NR2F1-AS1: variants seen among roughly 807,000 people sequenced by gnomAD.
NR2F1-AS1 encodes NR2F1 antisense RNA 1.
intron 4 of NR2F1-AS1, among the ~76,000 whole-genome samples, chr5:93,473,197 A>C (rs906455173): frequency 2.0e-5 from 3 of 151,970 alleles, no homozygotes; most frequent in Non-Finnish European, 2.9e-5. Context: ...TTACTGATGC[A>C]CCAAGAAAAA....
At chr5:93,583,300 TCTC>T (rs1446740042), upstream of NR2F1-AS1, 1 of 149,848 alleles carries the variant, frequency 6.7e-6, no homozygotes, top group Non-Finnish European at 1.5e-5. Flanking sequence ...TCTCTCTTCT[TCTC>T]TTCTCTCTCT....
chr5:93,530,317 C>T (rs1451696020), intron 4 of NR2F1-AS1, among the ~76,000 whole-genome samples: 1 of 152,052 alleles, frequency 6.6e-6, no homozygotes, highest in African/African-American at 2.4e-5. Flanking sequence ...CTCCTGACCT[C>T]GTGATCCGCC....
intron 4 of NR2F1-AS1, among the ~76,000 whole-genome samples, chr5:93,513,982 T>C (rs1442922342): frequency 6.6e-6 from 1 of 152,080 alleles, no homozygotes; most frequent in African/African-American, 2.4e-5. Flanking sequence ...CATTTTATGT[T>C]TCATTAATTC....
At chr5:93,535,576 C>T (rs572361239) in intron 4 of NR2F1-AS1, among the ~76,000 whole-genome samples, 12 of 151,968 alleles carry the variant, frequency 7.9e-5, no homozygotes, top group Middle Eastern at 3.4e-3. Flanking sequence ...AGCCCAATAT[C>T]CCTCATAAGC....
intron 4 of NR2F1-AS1, among the ~76,000 whole-genome samples, chr5:93,534,356 C>T (rs898271951): frequency 3.3e-5 from 5 of 152,078 alleles, no homozygotes; most frequent in African/African-American, 1.2e-4. Context: ...AATACCATAC[C>T]TTATATTTTT....
chr5:93,535,408 T>G (rs1215473425), intron 4 of NR2F1-AS1, among the ~76,000 whole-genome samples: 1 of 151,812 alleles, frequency 6.6e-6, no homozygotes, highest in Non-Finnish European at 1.5e-5. Flanking sequence ...CTTAGAGATT[T>G]CCTTCTACAA....
intron 4 of NR2F1-AS1, among the ~76,000 whole-genome samples, chr5:93,547,460 A>G (rs1752115660): frequency 6.6e-6 from 1 of 152,212 alleles, no homozygotes; most frequent in South Asian, 2.1e-4. Flanking sequence ...TACATTTCTC[A>G]GAATCAAAAC....
chr5:93,433,030 T>A (rs1199293643), intron 4 of NR2F1-AS1, among the ~76,000 whole-genome samples: 2 of 152,212 alleles, frequency 1.3e-5, no homozygotes, highest in African/African-American at 4.8e-5. Context: ...ATATGCATTA[T>A]TCAACTTTTA....
intron 4 of NR2F1-AS1, among the ~76,000 whole-genome samples, chr5:93,499,958 A>G (rs1751043766): frequency 6.6e-6 from 1 of 152,186 alleles, no homozygotes; most frequent in South Asian, 2.1e-4. Context: ...TATGAAGGCT[A>G]AGAGAGGTGA....
chr5:93,585,134 C>T (rs1183108440), upstream of NR2F1-AS1: 12 of 1,047,728 alleles, frequency 1.1e-5, no homozygotes, highest in Non-Finnish European at 1.4e-5. Context: ...GCGGCGGCGC[C>T]GGCGAGCAGC....
chr5:93,448,606 A>C (rs1749767257), intron 4 of NR2F1-AS1, among the ~76,000 whole-genome samples: 1 of 152,206 alleles, frequency 6.6e-6, no homozygotes, highest in Admixed American at 6.5e-5. Flanking sequence ...GGCTCACATA[A>C]TTATTGAAGC....
At chr5:93,430,328 G>A (rs1001261832) in intron 4 of NR2F1-AS1, among the ~76,000 whole-genome samples, 35 of 152,290 alleles carry the variant, frequency 2.3e-4, no homozygotes, top group African/African-American at 8.2e-4. Context: ...TGGCAAGAGC[G>A]AAGCACTGCA....
intron 1 of NR2F1-AS1, among the ~76,000 whole-genome samples, chr5:93,577,821 G>A (rs1032580768): frequency 1.3e-5 from 2 of 152,096 alleles, no homozygotes; most frequent in Non-Finnish European, 2.9e-5. Context: ...AGATGGGCTC[G>A]ATAAAACGGG....
At chr5:93,580,433 G>C (rs1016676227) in intron 1 of NR2F1-AS1, 1 of 152,392 alleles carries the variant, frequency 6.6e-6, no homozygotes, top group Non-Finnish European at 1.5e-5. Flanking sequence ...CCAACCCCAA[G>C]TTCAAGAGAA....
At chr5:93,552,753 G>A (rs973246513) in intron 4 of NR2F1-AS1, among the ~76,000 whole-genome samples, 2 of 150,530 alleles carry the variant, frequency 1.3e-5, no homozygotes, top group East Asian at 3.9e-4. Flanking sequence ...GATAACTCAA[G>A]TGAAAGCAAC....
At chr5:93,564,668 A>G (rs546201390) in intron 1 of NR2F1-AS1, among the ~76,000 whole-genome samples, 110 of 152,350 alleles carry the variant, frequency 7.2e-4, no homozygotes, top group African/African-American at 2.5e-3. Context: ...TATAAACTAC[A>G]TAAAAAAGGA....
chr5:93,413,506 C>T (rs17083150), intron 4 of NR2F1-AS1, among the ~76,000 whole-genome samples: 2,472 of 152,238 alleles, frequency 0.016, 75 homozygotes, highest in African/African-American at 0.057. Flanking sequence ...TCTACTTCCA[C>T]ATGGCCGGTG....
At chr5:93,511,680 T>C (rs1272355062) in intron 4 of NR2F1-AS1, among the ~76,000 whole-genome samples, 1 of 152,142 alleles carries the variant, frequency 6.6e-6, no homozygotes, top group East Asian at 1.9e-4. Context: ...TGTTAGGAAC[T>C]GGGCCGCAAA....
At chr5:93,486,553 G>A (rs1217247892) in intron 4 of NR2F1-AS1, among the ~76,000 whole-genome samples, 1 of 152,076 alleles carries the variant, frequency 6.6e-6, no homozygotes, top group Non-Finnish European at 1.5e-5. Context: ...GGAAGATGTC[G>A]AATCCCTGAA....
Sources: allele counts gnomAD v4.1 joint callset (sites outside exome capture counted in the v4.1 genomes callset), GRCh38; gene constraint gnomAD v4.1.1; transcripts MANE v1.5; gene names NCBI Gene and HGNC (gene_info 2026-07-23, HGNC 2026-07-21).